The following NRIP3 variants were observed in gnomAD, a reference collection of about 807,000 sequenced individuals.
NRIP3 encodes nuclear receptor interacting protein 3, also known as nuclear receptor-interacting protein 3.
In NRIP3, 31 loss-of-function variants were observed where a neutral mutation model predicts 29.0. That is an observed-to-expected ratio of 1.07 (90% CI 0.80 to 1.44). The LOEUF (loss-of-function observed/expected upper bound fraction) is 1.44, where lower values mean the gene tolerates loss of function less well. Ranked by LOEUF, NRIP3 falls within the 40% of genes most tolerant of loss-of-function variation. The pLI is 0.00. For missense variants in NRIP3, 314 were observed against 297.9 expected (o/e 1.05, Z -0.40); for synonymous variants, 131 against 118.3 (o/e 1.11, Z -0.70).
intron 1 of NRIP3, among the ~76,000 whole-genome samples, chr11:9,001,177 C>G (rs908258169): frequency 6.6e-6 from 1 of 152,190 alleles, no homozygotes; most frequent in South Asian, 2.1e-4. Context: ...AAGGGGCAGA[C>G]AAAAATATAA....
intron 1 of NRIP3, among the ~76,000 whole-genome samples, chr11:8,994,984 A>T (rs1224535297): frequency 5.9e-5 from 9 of 151,710 alleles, no homozygotes; most frequent in Non-Finnish European, 1.2e-4. Context: ...TAGATATTCC[A>T]CAGGCACTTC....
chr11:8,980,648 G>A lies in NRIP3; in HGVS notation c.*2897C>T, dbSNP rs1414793848. On this transcript the variant is annotated 3_prime_UTR_variant, in exon 7 of 7. Coordinates refer to ENST00000309166, the MANE Select transcript of NRIP3 (RefSeq NM_020645.3). ...CCCAACACAGCCAGAAACACTGAAA[G>A]GATAAAGTGCCAATGCAGAGAGGCC... 6.6e-6 allele frequency: 1 copy of A among 152,212 alleles called. No homozygotes were observed. Among genetic ancestry groups the A allele is most frequent in the Admixed American group, 6.5e-5 (1 of 15,282 alleles). The allele number at this position is 152,212 out of a possible 1,614,324, so 9.4% of individuals were successfully genotyped here.
At chr11:8,993,930 A>C (rs1196999908) in intron 1 of NRIP3, among the ~76,000 whole-genome samples, 2 of 152,148 alleles carry the variant, frequency 1.3e-5, no homozygotes, top group Admixed American at 1.3e-4. Context: ...AACAGCTTTA[A>C]ATTTTTAAAA....
intron 1 of NRIP3, among the ~76,000 whole-genome samples, chr11:8,992,429 T>C (rs969391693): frequency 3.3e-5 from 5 of 152,090 alleles, no homozygotes; most frequent in African/African-American, 1.2e-4. Context: ...GAGCCTACCA[T>C]AATGAAGGAA....
rs1006196234 is a variant in NRIP3 at position 8,980,683 on chromosome 11, G to A, written c.*2862C>T. On this transcript the variant is annotated 3_prime_UTR_variant, in exon 7 of 7. Coordinates refer to ENST00000309166, the MANE Select transcript of NRIP3 (RefSeq NM_020645.3). Reference sequence around the variant, plus strand: ...CCAATGCAGAGAGGCCTGGCAACAGGAGGAGGGAGGAATCCAGTTCGTCTC... The same window carrying A: ...CCAATGCAGAGAGGCCTGGCAACAGAAGGAGGGAGGAATCCAGTTCGTCTC... The A allele has an allele frequency of 2.0e-5, 3 of 152,222 alleles. No individual in the cohort carries two copies. Among genetic ancestry groups the A allele is most frequent in the Admixed American group, 1.3e-4 (2 of 15,288 alleles). The allele number at this position is 152,222 out of a possible 1,614,324, so 9.4% of individuals were successfully genotyped here.
Position 8,983,503 on chromosome 11 carries a change from G to A in NRIP3, c.*42C>T. 6.2e-7 allele frequency: 1 copy of A among 1,603,924 alleles called. No individual in the cohort carries two copies. Among genetic ancestry groups the A allele is most frequent in the Non-Finnish European group, 8.5e-7 (1 of 1,172,578 alleles). On this transcript the variant is annotated 3_prime_UTR_variant, in exon 7 of 7. Transcript: ENST00000309166. ...CCAGTTTTCTCTATCTGTCAACCCG[G>A]TGTGTATGCATGCACACGTGCAGAC... is the stretch of plus-strand genomic sequence containing the variant.
chr11:9,004,411 C>T (rs1854880006), upstream of NRIP3: 1 of 153,432 alleles, frequency 6.5e-6, no homozygotes, highest in South Asian at 2.1e-4. Context: ...AGTCCCGCCG[C>T]CCGCGCCGCT....
At position 9,003,864 on chromosome 11, in the gene NRIP3, T is replaced by A; in HGVS notation, c.72A>T (p.Arg24=). 1 of 1,521,566 alleles carries A rather than the reference T, an allele frequency of 6.6e-7. No individual in the cohort carries two copies. Among genetic ancestry groups the A allele is most frequent in the Middle Eastern group, 2.3e-4 (1 of 4,292 alleles). The allele number at this position is 1,521,566 out of a possible 1,614,324, so 94.3% of individuals were successfully genotyped here. Reference sequence around the variant, plus strand: ...CCGCCTGCTTCATCCGGCGCTGCTGTCGCAGTGACGCCGCCTCCCGCATGT... The same window carrying A: ...CCGCCTGCTTCATCCGGCGCTGCTGACGCAGTGACGCCGCCTCCCGCATGT... ...ETDMREAASL[R]QQRRMKQAVQ... is the part of the protein sequence containing the mutation. The change falls in exon 1 of 7, where the codon CGA becomes CGT. Residue 24 remains arginine (R), a synonymous_variant. Coordinates refer to ENST00000309166, the MANE Select transcript of NRIP3 (RefSeq NM_020645.3).
At chr11:8,983,816 C>T in intron 6 of NRIP3, 59 bp downstream of exon 6, 2 of 1,407,470 alleles carry the variant, frequency 1.4e-6, no homozygotes, top group South Asian at 2.3e-5. Flanking sequence ...ACCACCACCA[C>T]CCTGCTCGCA....
chr11:8,987,542 A>G lies in NRIP3; in HGVS notation c.422+6T>C. ...TAAGTTCCACTCAGCACAAGTGCCT[A>G]CTTACCCCAATCTGTCCACACAGGC... On this transcript the variant is annotated splice_donor_region_variant and intron_variant, in intron 3 of 6. Coordinates refer to ENST00000309166, the MANE Select transcript of NRIP3 (RefSeq NM_020645.3). 1 of 1,608,884 alleles carries G rather than the reference A, an allele frequency of 6.2e-7. No individual in the cohort carries two copies. The highest frequency in any genetic ancestry group is 8.5e-7 in the Non-Finnish European group (1 of 1,175,252).
chr11:8,985,947 G>A, intron 3 of NRIP3, 97 bp from the exon 4 acceptor site: 1 of 1,387,750 alleles, frequency 7.2e-7, no homozygotes, highest in South Asian at 1.3e-5. Flanking sequence ...AATTCTCCAG[G>A]GATCTCCTGG....
chr11:8,999,522 G>A (rs535535848), intron 1 of NRIP3, among the ~76,000 whole-genome samples: 83 of 152,016 alleles, frequency 5.5e-4, no homozygotes, highest in African/African-American at 2.0e-3. Flanking sequence ...CCAATCTCAG[G>A]TTAAAACCCA....
At chr11:8,984,154 T>C (rs749716033) in intron 4 of NRIP3, 30 bp from the exon 5 acceptor site, 2 of 1,525,880 alleles carry the variant, frequency 1.3e-6, no homozygotes, top group Non-Finnish European at 1.8e-6. Context: ...GATTAAGATT[T>C]AGCCATTTCC....
chr11:8,991,161 T>C (rs1306771531), intron 1 of NRIP3, among the ~76,000 whole-genome samples: 2 of 151,584 alleles, frequency 1.3e-5, no homozygotes, highest in Non-Finnish European at 2.9e-5. Context: ...ATTAGCCAGG[T>C]GTGGTGGTGG....
chr11:9,003,392 G>A (rs1285473760), intron 1 of NRIP3, among the ~76,000 whole-genome samples: 2 of 152,168 alleles, frequency 1.3e-5, no homozygotes, highest in African/African-American at 4.8e-5. Context: ...ACCTCTGTCT[G>A]GGTCATAGGA....
At chr11:8,988,631 AGTG>A (rs1413969368) in intron 1 of NRIP3, among the ~76,000 whole-genome samples, 1 of 152,200 alleles carries the variant, frequency 6.6e-6, no homozygotes, top group African/African-American at 2.4e-5. Context: ...TCAAGGGAAA[AGTG>A]GTCTTAGTCT....
At chr11:8,994,593 C>CT (rs1310581447) in intron 1 of NRIP3, among the ~76,000 whole-genome samples, 3 of 152,216 alleles carry the variant, frequency 2.0e-5, no homozygotes, top group Non-Finnish European at 2.9e-5. Flanking sequence ...CCTTGACAGA[C>CT]AAGTTTGTGG....
rs11449384 is a variant in NRIP3, at chr11:8,981,466, TAA to T, written c.*2077_*2078del. 2.0e-4 allele frequency: 23 copies of T among 114,886 alleles called. No homozygotes were observed. Among genetic ancestry groups the T allele is most frequent in the Middle Eastern group, 4.5e-3 (1 of 222 alleles). 7.1% of individuals were successfully genotyped at this position (114,886 alleles called of 1,614,324 possible). Reference sequence around the variant, plus strand: ...CTGGGCAACAGAGTGAGACTCTGTCTAAAAAAAAAAAAAAAAAAAGAATAAAC... The same window carrying T: ...CTGGGCAACAGAGTGAGACTCTGTCTAAAAAAAAAAAAAAAAAGAATAAAC... On this transcript the variant is annotated 3_prime_UTR_variant, in exon 7 of 7. Transcript: ENST00000309166.
chr11:8,990,040 C>T (rs938051020), intron 1 of NRIP3, among the ~76,000 whole-genome samples: 31 of 152,146 alleles, frequency 2.0e-4, no homozygotes, highest in Admixed American at 7.9e-4. Context: ...ATGAGACAAA[C>T]GAGGGAAGTT....
Sources: gnomAD v4.1 joint callset for allele counts (sites outside exome capture counted in the v4.1 genomes callset) on GRCh38, gnomAD v4.1.1 for gene constraint, MANE v1.5 for transcripts, NCBI Gene and HGNC (gene_info 2026-07-23, HGNC 2026-07-21) for gene names.